The following MINDY4 variants were observed in gnomAD, a reference collection of about 807,000 sequenced individuals.
MINDY4 encodes probable ubiquitin carboxyl-terminal hydrolase MINDY-4.
In MINDY4, 68 loss-of-function variants were observed where a neutral mutation model predicts 87.0. That is an observed-to-expected ratio of 0.78 (90% CI 0.64 to 0.96). The LOEUF is 0.96. Among genes scored for constraint, MINDY4 ranks in the 40% least tolerant of loss-of-function variants. The pLI is 0.00. For missense variants in MINDY4, 919 were observed against 928.2 expected, an observed-to-expected ratio of 0.99 and a Z score of 0.13; for synonymous variants, 379 against 363.2, an observed-to-expected ratio of 1.04 and a Z score of -0.50.
rs1370520948 is a variant in MINDY4 at position 30,809,232 on chromosome 7, C to T, written c.1073+17658C>T. On this transcript the variant is annotated intron_variant, in intron 5 of 17. Transcript: ENST00000265299. The stretch of plus-strand genomic sequence containing the variant: ...GGCCTTCCTATCAAAATTCCTTAAC[C>T]CAGTAACCTGCAGTAACCTGCGGAT... Among the ~76,000 whole-genome samples the T allele has an allele frequency of 2.0e-5, 3 of 152,182 alleles. No homozygotes were observed. In the East Asian group the frequency reaches 5.8e-4, roughly 29 times the overall value.
intron 5 of MINDY4, among the ~76,000 whole-genome samples, chr7:30,828,189 T>C (rs964939495): frequency 6.6e-6 from 1 of 152,150 alleles, no homozygotes; most frequent in African/African-American, 2.4e-5. Flanking sequence ...AACACTTTGG[T>C]GCATGTCAGA....
intron 5 of MINDY4, among the ~76,000 whole-genome samples, chr7:30,809,059 G>GA (rs762808212): frequency 2.1e-4 from 32 of 149,154 alleles, no homozygotes; most frequent in African/African-American, 3.9e-4. Context: ...AAGTAGTTAA[G>GA]AAAAAAAAAC....
At chr7:30,803,580 T>TTGTGTGGCAGTTTTGTGTG (rs1479036974) in intron 5 of MINDY4, among the ~76,000 whole-genome samples, 1 of 152,130 alleles carries the variant, frequency 6.6e-6, no homozygotes, top group Non-Finnish European at 1.5e-5. Flanking sequence ...TGAGTGGGTT[T>TTGTGTGGCAGTTTTGTGTG]GAATAACCCA....
intron 15 of MINDY4, among the ~76,000 whole-genome samples, chr7:30,876,534 T>G (rs1790264058): frequency 6.6e-6 from 1 of 152,166 alleles, no homozygotes; most frequent in Non-Finnish European, 1.5e-5. Context: ...CAGAAAGGGC[T>G]GGGCCCCCAG....
intron 17 of MINDY4, among the ~76,000 whole-genome samples, chr7:30,891,319 A>G (rs764345050): frequency 2.0e-4 from 30 of 152,252 alleles, no homozygotes; most frequent in Non-Finnish European, 3.7e-4. Flanking sequence ...TCTCACCTAC[A>G]GTAACTTTTC....
chr7:30,818,635 G>A (rs185196763), intron 5 of MINDY4, among the ~76,000 whole-genome samples: 186 of 152,304 alleles, frequency 1.2e-3, no homozygotes, highest in African/African-American at 4.0e-3. Context: ...CAGAGTCCGA[G>A]TGTACTCTAT....
chr7:30,857,566 G>A (rs928175122), intron 12 of MINDY4, among the ~76,000 whole-genome samples: 1 of 66,636 alleles, frequency 1.5e-5, no homozygotes, highest in Non-Finnish European at 2.3e-5. Context: ...TCCGCCTCCC[G>A]GGTTCACGCC....
intron 6 of MINDY4, among the ~76,000 whole-genome samples, chr7:30,829,340 G>A (rs894129455): frequency 3.3e-5 from 5 of 152,182 alleles, no homozygotes; most frequent in African/African-American, 1.2e-4. Flanking sequence ...CATTTGCAGG[G>A]TTTTGCAGAA....
chr7:30,816,611 G>T (rs1416836794), intron 5 of MINDY4, among the ~76,000 whole-genome samples: 2 of 45,840 alleles, frequency 4.4e-5, no homozygotes, highest in Admixed American at 2.1e-4. Flanking sequence ...CCTCCCTCCC[G>T]CCCCCCTGCC....
chr7:30,871,066 C>G (rs1790092346), intron 13 of MINDY4, among the ~76,000 whole-genome samples: 1 of 151,634 alleles, frequency 6.6e-6, no homozygotes, highest in Non-Finnish European at 1.5e-5. Context: ...GTGTGTACCC[C>G]CAAGGGCTGC....
intron 7 of MINDY4, among the ~76,000 whole-genome samples, chr7:30,837,328 C>G (rs1453283979): frequency 6.6e-6 from 1 of 152,146 alleles, no homozygotes; most frequent in Non-Finnish European, 1.5e-5. Flanking sequence ...ACTCCCGTGA[C>G]CAGAGGCTCC....
At chr7:30,843,880 C>G (rs760223565) in intron 9 of MINDY4, among the ~76,000 whole-genome samples, 1 of 152,168 alleles carries the variant, frequency 6.6e-6, no homozygotes, top group Non-Finnish European at 1.5e-5. Flanking sequence ...TGGGGGTCAT[C>G]ATGTGTGGAG....
At chr7:30,876,540 C>T (rs1030052454) in intron 15 of MINDY4, among the ~76,000 whole-genome samples, 4 of 152,252 alleles carry the variant, frequency 2.6e-5, no homozygotes, top group African/African-American at 7.2e-5. Flanking sequence ...GGGCTGGGCC[C>T]CCAGGTAAAG....
At chr7:30,885,053 G>C (rs1024718126) in intron 17 of MINDY4, among the ~76,000 whole-genome samples, 6 of 152,354 alleles carry the variant, frequency 3.9e-5, no homozygotes, top group Non-Finnish European at 8.8e-5. Context: ...GCTTAGTGTT[G>C]TGTGAGCTTG....
intron 6 of MINDY4, among the ~76,000 whole-genome samples, chr7:30,835,629 A>C (rs1788834749): frequency 6.6e-6 from 1 of 152,188 alleles, no homozygotes; most frequent in Non-Finnish European, 1.5e-5. Context: ...AGGAGGCTGT[A>C]GCATAAGATA....
intron 10 of MINDY4, among the ~76,000 whole-genome samples, chr7:30,850,954 C>T (rs1278234875): frequency 6.6e-6 from 1 of 152,236 alleles, no homozygotes. Flanking sequence ...TACTGCTCTT[C>T]CCAGTCCCCA....
intron 15 of MINDY4, among the ~76,000 whole-genome samples, chr7:30,877,078 G>C (rs374026488): frequency 2.8e-4 from 42 of 152,208 alleles, no homozygotes; most frequent in African/African-American, 9.1e-4. Context: ...AAAGACTTGC[G>C]GGAAAAAAGA....
At chr7:30,832,308 A>G (rs779184541) in intron 6 of MINDY4, among the ~76,000 whole-genome samples, 10 of 152,340 alleles carry the variant, frequency 6.6e-5, no homozygotes, top group Non-Finnish European at 1.2e-4. Flanking sequence ...CCAGGAAACA[A>G]TCTGGCTCAA....
At chr7:30,814,030 C>G (rs1788081734) in intron 5 of MINDY4, among the ~76,000 whole-genome samples, 1 of 152,130 alleles carries the variant, frequency 6.6e-6, no homozygotes, top group Non-Finnish European at 1.5e-5. Flanking sequence ...TTGGGTCATC[C>G]ATTTGGTGCA....
Sources: allele counts gnomAD v4.1 joint callset (sites outside exome capture counted in the v4.1 genomes callset), GRCh38; gene constraint gnomAD v4.1.1; transcripts MANE v1.5; gene names NCBI Gene and HGNC (gene_info 2026-07-23, HGNC 2026-07-21).